Variants in CHST4 observed in about 807,000 individuals in gnomAD.
CHST4 encodes carbohydrate sulfotransferase 4.
For missense variants in CHST4, 466 were observed against 506.0 expected (o/e 0.92, Z 0.76); for synonymous variants, 171 against 195.5 (o/e 0.87, Z 1.05).
chr16:71,537,573 T>C lies in CHST4; in HGVS notation c.896T>C (p.Leu299Ser). The C allele has an allele frequency of 6.2e-7, 1 of 1,614,198 alleles. No homozygotes were observed. The highest frequency in any genetic ancestry group is 1.3e-5 in the African/African-American group (1 of 75,058). The change falls in exon 2 of 2, where the codon TTG (leucine) becomes TCG (serine). Residue 299 changes from leucine (L) to serine (S), a missense_variant. Coordinates refer to ENST00000539698, the MANE Select transcript of CHST4 (RefSeq NM_001166395.2). The surrounding 1 kb of genome is among the most constrained non-coding windows in gnomAD (Gnocchi z 4.2). ...RMYEFVGLEF[L>S]PHLQTWVHNI... is the part of the protein sequence containing the mutation. ...TATGAATTCGTGGGATTGGAATTCT[T>C]GCCCCATCTTCAGACCTGGGTGCAT...
At chr16:71,535,796 C>A (rs2043982761) in intron 1 of CHST4, among the ~76,000 whole-genome samples, 1 of 152,094 alleles carries the variant, frequency 6.6e-6, no homozygotes, top group Admixed American at 6.6e-5. Flanking sequence ...TAATTCAGCT[C>A]AAATAGATTC....
At chr16:71,529,107 G>GTTTTTTTTTTTTTTT (rs397717246) in intron 1 of CHST4, among the ~76,000 whole-genome samples, 1 of 136,110 alleles carries the variant, frequency 7.3e-6, no homozygotes, top group Non-Finnish European at 1.6e-5. Context: ...TTTGTTTTTT[G>GTTTTTTTTTTTTTTT]TTTTTTTTTT....
At chr16:71,529,628 T>C (rs2145202009) in intron 1 of CHST4, among the ~76,000 whole-genome samples, 1 of 143,324 alleles carries the variant, frequency 7.0e-6, no homozygotes, top group African/African-American at 2.6e-5. Context: ...GTGATCTTGA[T>C]CAGGAGATCA....
At chr16:71,532,418 C>T (rs916873101) in intron 1 of CHST4, among the ~76,000 whole-genome samples, 8 of 152,128 alleles carry the variant, frequency 5.3e-5, no homozygotes, top group African/African-American at 1.9e-4. Context: ...CATTTTCTGC[C>T]GTACAGCAAG....
chr16:71,526,829 G>T (rs2043912056), intron 1 of CHST4, among the ~76,000 whole-genome samples: 1 of 152,106 alleles, frequency 6.6e-6, no homozygotes, highest in Non-Finnish European at 1.5e-5. Flanking sequence ...TCAAATTTCT[G>T]TACTTCCTGC....
Position 71,538,075 on chromosome 16 carries a change from CTCT to C in CHST4, c.*245_*247del, listed in dbSNP as rs1396273653. 3.4e-5 allele frequency: 19 copies of C among 550,874 alleles called. No individual in the cohort carries two copies. Among genetic ancestry groups the C allele is most frequent in the East Asian group, 1.5e-4 (5 of 32,922 alleles). The allele number at this position is 550,874 out of a possible 1,614,324, so 34.1% of individuals were successfully genotyped here. ...ATCCCACCAGTGAAACAGGGTATTG[CTCT>C]TCTTCTTTTCTTGATCTTCCTGTCT... On this transcript the variant is annotated 3_prime_UTR_variant, in exon 2 of 2. Coordinates refer to ENST00000539698, the MANE Select transcript of CHST4 (RefSeq NM_001166395.2).
chr16:71,531,604 G>C (rs1030141457), intron 1 of CHST4, among the ~76,000 whole-genome samples: 2 of 152,186 alleles, frequency 1.3e-5, no homozygotes, highest in African/African-American at 4.8e-5. Flanking sequence ...ACGGGCTTCA[G>C]GCCAGCAGCA....
Position 71,537,055 on chromosome 16 carries a change from G to A in CHST4, c.378G>A (p.Trp126Ter), listed in dbSNP as rs765536165. The change falls in exon 2 of 2, where the codon TGG becomes TGA. Residue 126 changes from tryptophan to a stop codon, truncating the protein, a stop_gained. Coordinates refer to ENST00000539698, the MANE Select transcript of CHST4 (RefSeq NM_001166395.2). LOFTEE classifies it low-confidence loss of function (END_TRUNC). This position sits in a 1 kb window ranked among gnomAD's most constrained non-coding sequence, Gnocchi z 4.2. The part of the protein sequence containing the change: ...GPRRQSSLFQ[W>*]ENSRALCSAP... ...GGAGACAGTCCAGCCTCTTTCAGTGGGAGAACAGCCGGGCCCTGTGTTCTG... is the reference window on the plus strand; with the variant it reads ...GGAGACAGTCCAGCCTCTTTCAGTGAGAGAACAGCCGGGCCCTGTGTTCTG... 1.2e-6 allele frequency: 2 copies of A among 1,614,042 alleles called. No homozygotes were observed. The highest frequency in any genetic ancestry group is 1.7e-6 in the Non-Finnish European group (2 of 1,180,054).
At chr16:71,526,678 T>A (rs1208434326) in intron 1 of CHST4, among the ~76,000 whole-genome samples, 183 bp downstream of exon 1, 1 of 152,118 alleles carries the variant, frequency 6.6e-6, no homozygotes, top group Non-Finnish European at 1.5e-5. Flanking sequence ...ACAAGCTGCT[T>A]ACCAGCAGCC....
At chr16:71,534,177 T>G (rs2043969797) in intron 1 of CHST4, among the ~76,000 whole-genome samples, 1 of 152,108 alleles carries the variant, frequency 6.6e-6, no homozygotes, top group Non-Finnish European at 1.5e-5. Flanking sequence ...TTTTAAATTC[T>G]GAGTCTGTAG....
chr16:71,534,530 G>C (rs1181836717), intron 1 of CHST4, among the ~76,000 whole-genome samples: 2 of 151,568 alleles, frequency 1.3e-5, no homozygotes, highest in Admixed American at 6.6e-5. Context: ...GCTAATTTTT[G>C]TATTTTTAGC....
chr16:71,530,098 A>G lies in CHST4; in HGVS notation c.-19+3603A>G, dbSNP rs138943076. On this transcript the variant is annotated intron_variant, in intron 1 of 1. Coordinates refer to ENST00000539698, the MANE Select transcript of CHST4 (RefSeq NM_001166395.2). Reference sequence around the variant, plus strand: ...GGTTGCGGTGAGCTGAGATCATGCCACTGCACTCCAGCCTGGGCGACAGAG... The same window carrying G: ...GGTTGCGGTGAGCTGAGATCATGCCGCTGCACTCCAGCCTGGGCGACAGAG... Among the ~76,000 whole-genome samples, 328 of 152,066 alleles carry G rather than the reference A, an allele frequency of 2.2e-3. 2 individuals carry two copies. The highest frequency in any genetic ancestry group is 7.5e-3 in the African/African-American group (312 of 41,478).
rs112350648 is a variant in CHST4 at position 71,538,682 on chromosome 16, G to A, written c.*844G>A. 96 of 158,712 alleles carry A rather than the reference G, an allele frequency of 6.0e-4. No homozygotes were observed. The highest frequency in any genetic ancestry group is 2.2e-3 in the African/African-American group (91 of 41,530). 9.8% of individuals were successfully genotyped at this position (158,712 alleles called of 1,614,324 possible). Reference sequence around the variant, plus strand: ...CAGAAAATTGCTAAGATAATATTTGGTTTCAGATGATGAACTAAGTCTATA... The same window carrying A: ...CAGAAAATTGCTAAGATAATATTTGATTTCAGATGATGAACTAAGTCTATA... On this transcript the variant is annotated 3_prime_UTR_variant, in exon 2 of 2. Coordinates refer to ENST00000539698, the MANE Select transcript of CHST4 (RefSeq NM_001166395.2).
intron 1 of CHST4, among the ~76,000 whole-genome samples, chr16:71,532,944 C>T (rs890122889): frequency 1.3e-5 from 2 of 152,138 alleles, no homozygotes; most frequent in East Asian, 1.9e-4. Context: ...TGAGGAACTA[C>T]TTTACGAACT....
chr16:71,537,311 CG>C lies in CHST4; in HGVS notation c.635del (p.Arg212LeufsTer11), dbSNP rs1567583300. ...HLVRDPRAVFRSRERTKGDLM... is the reference protein window; with the variant it reads ...HLVRDPRAVFXSRERTKGDLM... ...GGTCCGGGACCCCCGGGCCGTGTTCCGTTCCCGAGAACGCACAAAGGGAGAT... is the reference window on the plus strand; with the variant it reads ...GGTCCGGGACCCCCGGGCCGTGTTCCTTCCCGAGAACGCACAAAGGGAGAT... On this transcript the variant is annotated frameshift_variant, in exon 2 of 2. Coordinates refer to ENST00000539698, the MANE Select transcript of CHST4 (RefSeq NM_001166395.2). LOFTEE classifies it low-confidence loss of function (END_TRUNC). The surrounding 1 kb of genome is among the most constrained non-coding windows in gnomAD (Gnocchi z 4.2). 5 of 1,614,224 alleles carry C rather than the reference CG, an allele frequency of 3.1e-6. No homozygotes were observed. The highest frequency in any genetic ancestry group is 4.2e-6 in the Non-Finnish European group (5 of 1,180,044).
Position 71,538,542 on chromosome 16 carries a change from T to G in CHST4, c.*704T>G, listed in dbSNP as rs2044011270. 1 of 167,112 alleles carries G rather than the reference T, an allele frequency of 6.0e-6. No homozygotes were observed. 10.4% of individuals were successfully genotyped at this position (167,112 alleles called of 1,614,324 possible). ...CTGTTTAGAATGTCCCTTTTTATGC[T>G]TCTTAATTATTAGCAGTAAATGTTC... On this transcript the variant is annotated 3_prime_UTR_variant, in exon 2 of 2. Transcript: ENST00000539698.
At chr16:71,534,074 TGAC>T (rs1397128980) in intron 1 of CHST4, among the ~76,000 whole-genome samples, 2 of 150,018 alleles carry the variant, frequency 1.3e-5, no homozygotes, top group Non-Finnish European at 3.0e-5. Context: ...CCCTCCCCAG[TGAC>T]ATATGTTAAA....
Position 71,530,117 on chromosome 16 carries a change from G to A in CHST4, c.-19+3622G>A, listed in dbSNP as rs1415586077. Among the ~76,000 whole-genome samples, 10 of 151,516 alleles carry A rather than the reference G, an allele frequency of 6.6e-5. No homozygotes were observed. The South Asian group carries it at 8.4e-4, about 13-fold the overall frequency. ...CATGCCACTGCACTCCAGCCTGGGC[G>A]ACAGAGCAAGACTCTGTCTAAAAAA... is the stretch of plus-strand genomic sequence containing the variant. On this transcript the variant is annotated intron_variant, in intron 1 of 1. Transcript: ENST00000539698.
chr16:71,528,244 C>T (rs1597033924), intron 1 of CHST4, among the ~76,000 whole-genome samples: 2 of 85,044 alleles, frequency 2.4e-5, no homozygotes, highest in South Asian at 9.2e-4. Context: ...AGCAAGACTT[C>T]ATTTCAAAAA....
Sources: allele counts gnomAD v4.1 joint callset (sites outside exome capture counted in the v4.1 genomes callset), GRCh38; gene constraint gnomAD v4.1.1; non-coding constraint Gnocchi (gnomAD v3.1); transcripts MANE v1.5; gene names NCBI Gene and HGNC (gene_info 2026-07-23, HGNC 2026-07-21).